ACOXL: variants seen among roughly 807,000 people sequenced by gnomAD.
The protein encoded by ACOXL is acyl-CoA oxidase like, also known as acyl-coenzyme A oxidase-like protein.
A neutral mutation model predicts 71.9 loss-of-function variants in ACOXL; 70 were observed. The observed-to-expected ratio is 0.97, with a 90% confidence interval of 0.80 to 1.19. ACOXL has a LOEUF of 1.19. Among genes scored for constraint, ACOXL ranks in the 50% most tolerant of loss-of-function variants. The probability of loss-of-function intolerance (pLI) is 0.00; values close to 1 mark genes in which losing one functional copy is unlikely to be tolerated. For missense variants in ACOXL, 703 were observed against 736.3 expected (o/e 0.95, Z 0.52); for synonymous variants, 253 against 281.6 (o/e 0.90, Z 1.02).
intron 15 of ACOXL, among the ~76,000 whole-genome samples, chr2:111,033,310 G>A (rs2065359510): frequency 6.6e-6 from 1 of 152,198 alleles, no homozygotes; most frequent in Admixed American, 6.5e-5. Context: ...ATCAGGCTCA[G>A]AGAAACTGAC....
chr2:110,996,072 A>G (rs2063384309), intron 14 of ACOXL, 68 bp downstream of exon 14: 7 of 1,328,608 alleles, frequency 5.3e-6, no homozygotes, highest in Non-Finnish European at 7.6e-6. Context: ...CTGGTGAACT[A>G]TCTGTTAAGT....
intron 12 of ACOXL, among the ~76,000 whole-genome samples, chr2:110,934,507 G>A (rs1198649767): frequency 6.6e-6 from 1 of 152,184 alleles, no homozygotes; most frequent in Admixed American, 6.5e-5. Flanking sequence ...TGAACATGAA[G>A]GGGAAGATGA....
intron 12 of ACOXL, among the ~76,000 whole-genome samples, chr2:110,973,910 C>T (rs963872938): frequency 2.6e-5 from 4 of 152,110 alleles, no homozygotes; most frequent in African/African-American, 4.8e-5. Flanking sequence ...GGTGAGAGAC[C>T]GAGACCCCTG....
intron 10 of ACOXL, among the ~76,000 whole-genome samples, chr2:110,879,277 A>G (rs940020434): frequency 6.6e-6 from 1 of 152,152 alleles, no homozygotes; most frequent in African/African-American, 2.4e-5. Flanking sequence ...CCCAAGAGAG[A>G]TGATAGATTT....
At chr2:110,872,977 G>GT (rs1695457455) in intron 10 of ACOXL, among the ~76,000 whole-genome samples, 1 of 152,184 alleles carries the variant, frequency 6.6e-6, no homozygotes, top group Non-Finnish European at 1.5e-5. Context: ...ATATTTTGTA[G>GT]TAAAAACTTG....
intron 10 of ACOXL, among the ~76,000 whole-genome samples, chr2:110,845,334 GA>G (rs1691690794): frequency 6.6e-6 from 1 of 152,170 alleles, no homozygotes; most frequent in South Asian, 2.1e-4. Flanking sequence ...ATTCGTGAGG[GA>G]GGAGCCCTCA....
chr2:110,756,774 C>T (rs933533112), intron 1 of ACOXL, among the ~76,000 whole-genome samples: 37 of 152,208 alleles, frequency 2.4e-4, no homozygotes, highest in African/African-American at 7.7e-4. Flanking sequence ...ACTTCTGTTT[C>T]TCAATATTCT....
At chr2:110,940,087 T>C (rs1380792924) in intron 12 of ACOXL, among the ~76,000 whole-genome samples, 1 of 152,214 alleles carries the variant, frequency 6.6e-6, no homozygotes, top group East Asian at 1.9e-4. Context: ...AAGACACATG[T>C]ATGAAATTGA....
At chr2:110,916,473 C>T (rs1438941804) in intron 11 of ACOXL, among the ~76,000 whole-genome samples, 4 of 151,948 alleles carry the variant, frequency 2.6e-5, no homozygotes, top group East Asian at 1.9e-4. Context: ...GATCTAAAAT[C>T]GACACACTAA....
intron 17 of ACOXL, among the ~76,000 whole-genome samples, chr2:111,094,596 A>T (rs1460207494): frequency 6.6e-6 from 1 of 152,242 alleles, no homozygotes; most frequent in Admixed American, 6.5e-5. Flanking sequence ...AGATGACAGC[A>T]TTAATCCATT....
chr2:110,920,127 T>G (rs2149286533), intron 11 of ACOXL, among the ~76,000 whole-genome samples: 1 of 152,358 alleles, frequency 6.6e-6, no homozygotes, highest in African/African-American at 2.4e-5. Context: ...TGTTTAACTT[T>G]ATAAGAAATT....
At chr2:110,843,905 T>C (rs750564882) in intron 10 of ACOXL, among the ~76,000 whole-genome samples, 3 of 152,036 alleles carry the variant, frequency 2.0e-5, no homozygotes, top group Admixed American at 6.5e-5. Flanking sequence ...AGTGATGAGA[T>C]TGAGGGAAGG....
intron 9 of ACOXL, among the ~76,000 whole-genome samples, chr2:110,812,404 C>T (rs1013413015): frequency 1.3e-5 from 2 of 152,136 alleles, no homozygotes; most frequent in Admixed American, 1.3e-4. Context: ...CAGATTATTT[C>T]ATCACCCAAG....
chr2:110,734,379 C>A (rs1035669340), intron 1 of ACOXL, among the ~76,000 whole-genome samples: 6 of 151,932 alleles, frequency 3.9e-5, no homozygotes, highest in Non-Finnish European at 1.5e-5. Flanking sequence ...AAGCGATTCT[C>A]CTGTCTCAGC....
At chr2:110,960,260 G>C (rs1186138947) in intron 12 of ACOXL, among the ~76,000 whole-genome samples, 1 of 152,190 alleles carries the variant, frequency 6.6e-6, no homozygotes, top group Non-Finnish European at 1.5e-5. Context: ...CTGAACTTCA[G>C]TTTTTTCATC....
chr2:110,836,323 T>G (rs1690459431), intron 9 of ACOXL, among the ~76,000 whole-genome samples: 1 of 152,238 alleles, frequency 6.6e-6, no homozygotes, highest in African/African-American at 2.4e-5. Context: ...CCTCATGTCC[T>G]TGCTGCCAGC....
chr2:110,986,342 C>T (rs1275077038), intron 12 of ACOXL, among the ~76,000 whole-genome samples: 1 of 152,290 alleles, frequency 6.6e-6, no homozygotes, highest in East Asian at 1.9e-4. Flanking sequence ...TTGTAACAAA[C>T]CACCGCAAAA....
chr2:111,003,482 C>T (rs928283808), intron 14 of ACOXL, among the ~76,000 whole-genome samples: 14 of 128,900 alleles, frequency 1.1e-4, no homozygotes, highest in African/African-American at 3.2e-4. Context: ...ACCCAGGAGG[C>T]GGAGGTTGCA....
chr2:110,929,384 A>G (rs1213857116), intron 11 of ACOXL, among the ~76,000 whole-genome samples: 1 of 152,194 alleles, frequency 6.6e-6, no homozygotes, highest in Non-Finnish European at 1.5e-5. Flanking sequence ...GATTTAGGGT[A>G]TCTGGCACAA....
Sources: allele counts gnomAD v4.1 joint callset (sites outside exome capture counted in the v4.1 genomes callset), GRCh38; gene constraint gnomAD v4.1.1; transcripts MANE v1.5; gene names NCBI Gene and HGNC (gene_info 2026-07-23, HGNC 2026-07-21).